DOCK5: variants seen among roughly 807,000 people sequenced by gnomAD.
The protein encoded by DOCK5 is dedicator of cytokinesis protein 5.
DOCK5 carries 142 observed loss-of-function variants against 251.8 expected under a neutral mutation model. The ratio of observed to expected loss-of-function variants is 0.56; its 90% confidence interval spans 0.49 to 0.65. The LOEUF is 0.65. Among genes scored for constraint, DOCK5 ranks in the 30% least tolerant of loss-of-function variants. The pLI is 0.00. For missense variants in DOCK5, 2,111 were observed against 2,312.3 expected (o/e 0.91, Z 1.79); for synonymous variants, 842 against 835.5 (o/e 1.01, Z -0.13).
chr8:25,241,481 A>C (rs1802943412), intron 1 of DOCK5, among the ~76,000 whole-genome samples: 1 of 152,120 alleles, frequency 6.6e-6, no homozygotes, highest in Admixed American at 6.6e-5. Flanking sequence ...CCGTCTCAAA[A>C]AAAAAAAAAG....
At chr8:25,310,600 GA>G (rs1805064171) in intron 13 of DOCK5, 68 bp downstream of exon 13, 1 of 1,494,198 alleles carries the variant, frequency 6.7e-7, no homozygotes, top group Non-Finnish European at 8.9e-7. Context: ...TTGGACGGTG[GA>G]GGCAACTTGG....
At chr8:25,408,675 C>A in intron 49 of DOCK5, 127 bp from the exon 50 acceptor site, 1 of 1,111,184 alleles carries the variant, frequency 9.0e-7, no homozygotes, top group Non-Finnish European at 1.3e-6. Flanking sequence ...TATGACAATG[C>A]TTAAAAATCG....
At chr8:25,197,020 G>A (rs533086827) in intron 1 of DOCK5, among the ~76,000 whole-genome samples, 62 of 146,634 alleles carry the variant, frequency 4.2e-4, no homozygotes, top group Non-Finnish European at 7.9e-4. Context: ...GCAACATAGT[G>A]AGACCCTGTC....
intron 1 of DOCK5, among the ~76,000 whole-genome samples, chr8:25,240,447 T>C (rs76837040): frequency 0.015 from 2,259 of 152,236 alleles, 62 homozygotes; most frequent in African/African-American, 0.051. Context: ...TTAGGGCCTT[T>C]TGTGGTCAAT....
intron 39 of DOCK5, among the ~76,000 whole-genome samples, chr8:25,381,483 G>C (rs1801067028): frequency 2.0e-5 from 3 of 152,036 alleles, no homozygotes; most frequent in Non-Finnish European, 4.4e-5. Context: ...AAAATTAGCT[G>C]GGTGTGGTGG....
chr8:25,200,722 T>C (rs1168124588), intron 1 of DOCK5, among the ~76,000 whole-genome samples: 1 of 152,266 alleles, frequency 6.6e-6, no homozygotes, highest in African/African-American at 2.4e-5. Context: ...TAGTTACTTA[T>C]GACCATCTCT....
At chr8:25,352,628 C>T (rs1800491761) in intron 27 of DOCK5, among the ~76,000 whole-genome samples, 1 of 152,106 alleles carries the variant, frequency 6.6e-6, no homozygotes, top group South Asian at 2.1e-4. Context: ...TTTCAAATTC[C>T]TATCAGATAA....
At chr8:25,279,483 T>C (rs4872303) in intron 5 of DOCK5, among the ~76,000 whole-genome samples, 32 of 151,550 alleles carry the variant, frequency 2.1e-4, no homozygotes, top group African/African-American at 7.0e-4. Context: ...TTTTTTTTTT[T>C]TGAGACGGAG....
chr8:25,209,726 ATT>A (rs1202016979), intron 1 of DOCK5, among the ~76,000 whole-genome samples: 1 of 67,728 alleles, frequency 1.5e-5, no homozygotes, highest in African/African-American at 3.4e-5. Context: ...CTACAATTGC[ATT>A]TTTCTGAGAC....
At chr8:25,375,068 C>G (rs757585285) in intron 37 of DOCK5, 7 of 861,838 alleles carry the variant, frequency 8.1e-6, no homozygotes, top group African/African-American at 1.8e-5. Context: ...ATAAATACAT[C>G]TATATGTTAT....
intron 18 of DOCK5, among the ~76,000 whole-genome samples, chr8:25,331,799 T>TAGAG (rs1172468853): frequency 1.6e-4 from 8 of 48,988 alleles, no homozygotes; most frequent in East Asian, 6.4e-4. Context: ...TATATATATA[T>TAGAG]ATAGAGAGAG....
chr8:25,340,336 T>G (rs1805922410), intron 22 of DOCK5, among the ~76,000 whole-genome samples: 5 of 152,212 alleles, frequency 3.3e-5, no homozygotes, highest in African/African-American at 1.2e-4. Context: ...AATGTACATG[T>G]GTGTATTTGA....
intron 5 of DOCK5, among the ~76,000 whole-genome samples, chr8:25,291,623 C>T (rs1403089890): frequency 6.8e-6 from 1 of 146,252 alleles, no homozygotes; most frequent in Admixed American, 7.1e-5. Flanking sequence ...GTGGAGGTTA[C>T]AGTTAGCCGA....
chr8:25,195,251 C>CT (rs59704416), intron 1 of DOCK5, among the ~76,000 whole-genome samples: 1,081 of 106,176 alleles, frequency 0.01, 28 homozygotes, highest in African/African-American at 0.032. Flanking sequence ...CTCCTTATCA[C>CT]TTTTTTTTTT....
At chr8:25,358,427 A>T (rs920351076) in intron 27 of DOCK5, among the ~76,000 whole-genome samples, 3 of 152,258 alleles carry the variant, frequency 2.0e-5, no homozygotes, top group Non-Finnish European at 4.4e-5. Context: ...ACACATGGGG[A>T]TAATGGGAAC....
At chr8:25,384,076 C>T (rs2117306991) in intron 40 of DOCK5, among the ~76,000 whole-genome samples, 1 of 152,348 alleles carries the variant, frequency 6.6e-6, no homozygotes, top group Non-Finnish European at 1.5e-5. Context: ...ATCCACACAA[C>T]AGAATACTGC....
intron 2 of DOCK5, among the ~76,000 whole-genome samples, chr8:25,251,016 C>T (rs1316869119): frequency 6.6e-6 from 1 of 152,180 alleles, no homozygotes; most frequent in African/African-American, 2.4e-5. Context: ...CAGGTTTCAG[C>T]ATCCTGTTAC....
chr8:25,233,763 A>G (rs1054277953), intron 1 of DOCK5, among the ~76,000 whole-genome samples: 2 of 151,774 alleles, frequency 1.3e-5, no homozygotes, highest in Admixed American at 1.3e-4. Flanking sequence ...TTTTTAAAAA[A>G]TTTTGTTTTA....
At position 25,275,394 on chromosome 8, in the gene DOCK5, C is replaced by T. The variant is rs1178830690; in HGVS notation, c.177C>T (p.Phe59=). The T allele has an allele frequency of 8.1e-6, 13 of 1,606,246 alleles. No individual in the cohort carries two copies. Among genetic ancestry groups the T allele is most frequent in the Non-Finnish European group, 5.9e-6 (7 of 1,177,938 alleles). The change falls in exon 4 of 52, where the codon TTC becomes TTT. Residue 59 remains phenylalanine (F), a synonymous_variant. Coordinates refer to ENST00000276440, the MANE Select transcript of DOCK5 (RefSeq NM_024940.8). The part of the protein sequence containing the change: ...TLQNKSKKGI[F]PETYIHLKEA... ...AATTCTTTTCTCTGTAGGGCATTTT[C>T]CCTGAAACATATATCCATTTGAAAG...
Sources: gnomAD v4.1 joint callset for allele counts (sites outside exome capture counted in the v4.1 genomes callset) on GRCh38, gnomAD v4.1.1 for gene constraint, MANE v1.5 for transcripts, NCBI Gene and HGNC (gene_info 2026-07-23, HGNC 2026-07-21) for gene names.